NOL4: variants seen among roughly 807,000 people sequenced by gnomAD.
The protein encoded by NOL4 is cancer/testis antigen 125.
NOL4 carries 17 observed loss-of-function variants against 75.9 expected under a neutral mutation model. The observed-to-expected ratio is 0.22, with a 90% CI of 0.15 to 0.34. The LOEUF is 0.34. Among genes scored for constraint, NOL4 ranks in the 10% least tolerant of loss-of-function variants. The pLI is 1.00. For missense variants in NOL4, 614 were observed against 793.5 expected (o/e 0.77, Z 2.72); for synonymous variants, 292 against 289.9 (o/e 1.01, Z -0.07).
chr18:34,084,570 A>G (rs1203766103), intron 5 of NOL4, among the ~76,000 whole-genome samples: 1 of 152,192 alleles, frequency 6.6e-6, no homozygotes, highest in Non-Finnish European at 1.5e-5. Context: ...TGTGGCTCCA[A>G]AGAGAATATG....
At chr18:34,153,851 C>T (rs867569132) in intron 1 of NOL4, among the ~76,000 whole-genome samples, 1 of 151,922 alleles carries the variant, frequency 6.6e-6, no homozygotes, top group African/African-American at 2.4e-5. Context: ...ATGTGGTTGC[C>T]AAGGTTTCCC....
intron 10 of NOL4, among the ~76,000 whole-genome samples, chr18:33,868,201 C>T (rs917969259): frequency 6.7e-6 from 1 of 148,728 alleles, no homozygotes. Context: ...TACACCTGGG[C>T]ACCTGGGTAA....
intron 5 of NOL4, among the ~76,000 whole-genome samples, chr18:34,064,240 C>G (rs543022676): frequency 1.3e-5 from 2 of 152,038 alleles, no homozygotes; most frequent in East Asian, 3.9e-4. Flanking sequence ...TATCCTTAGC[C>G]AAGTTTTCTT....
intron 9 of NOL4, among the ~76,000 whole-genome samples, chr18:33,915,545 C>T (rs193143714): frequency 2.1e-4 from 32 of 151,896 alleles, no homozygotes; most frequent in Middle Eastern, 3.4e-3. Flanking sequence ...AGGCGAGAGG[C>T]GATGGGATGC....
intron 1 of NOL4, among the ~76,000 whole-genome samples, chr18:34,142,628 C>G (rs971385884): frequency 4.6e-5 from 7 of 151,914 alleles, no homozygotes; most frequent in Non-Finnish European, 7.4e-5. Context: ...GGGAATTGAA[C>G]AATGAGAACA....
At chr18:34,124,289 A>C (rs1246473474) in intron 2 of NOL4, among the ~76,000 whole-genome samples, 3 of 152,174 alleles carry the variant, frequency 2.0e-5, no homozygotes, top group Non-Finnish European at 2.9e-5. Context: ...GAAAGGGAAA[A>C]ATTCATAATA....
intron 5 of NOL4, among the ~76,000 whole-genome samples, chr18:34,054,524 T>C (rs1005570292): frequency 6.6e-6 from 1 of 151,984 alleles, no homozygotes; most frequent in African/African-American, 2.4e-5. Flanking sequence ...ATAGCACCTC[T>C]GCTCTTTTTT....
chr18:34,067,892 G>A (rs1157657576), intron 5 of NOL4, among the ~76,000 whole-genome samples: 1 of 152,040 alleles, frequency 6.6e-6, no homozygotes, highest in African/African-American at 2.4e-5. Flanking sequence ...CTGGTTTGGA[G>A]ATATAAACAT....
At chr18:34,176,982 C>CT (rs1009741835) in intron 1 of NOL4, among the ~76,000 whole-genome samples, 43 of 150,896 alleles carry the variant, frequency 2.8e-4, no homozygotes, top group East Asian at 9.8e-4. Flanking sequence ...GAGTTGATAT[C>CT]TTTTTTTTTA....
chr18:34,022,344 T>C (rs2075094712), intron 5 of NOL4, among the ~76,000 whole-genome samples: 1 of 151,876 alleles, frequency 6.6e-6, no homozygotes, highest in Admixed American at 6.6e-5. Context: ...AAAAAATACA[T>C]AGGAAAATTT....
At chr18:34,039,854 G>A (rs1317331510) in intron 5 of NOL4, among the ~76,000 whole-genome samples, 1 of 151,894 alleles carries the variant, frequency 6.6e-6, no homozygotes, top group Non-Finnish European at 1.5e-5. Flanking sequence ...AGCATTTTGA[G>A]CACCCATACA....
chr18:34,107,529 C>G (rs866187797), intron 2 of NOL4, among the ~76,000 whole-genome samples: 1 of 151,862 alleles, frequency 6.6e-6, no homozygotes, highest in Non-Finnish European at 1.5e-5. Context: ...CATTCCACTC[C>G]CCTTGAATCT....
chr18:34,018,010 C>A (rs144496072), intron 6 of NOL4, among the ~76,000 whole-genome samples: 231 of 152,060 alleles, frequency 1.5e-3, no homozygotes, highest in African/African-American at 5.2e-3. Context: ...TTTTAATAAG[C>A]ATCGTTCCCA....
At chr18:34,112,505 T>C (rs987330290) in intron 2 of NOL4, among the ~76,000 whole-genome samples, 1 of 152,090 alleles carries the variant, frequency 6.6e-6, no homozygotes, top group Non-Finnish European at 1.5e-5. Context: ...TACACATACA[T>C]AATGAAATAT....
At chr18:34,022,875 G>A (rs192289730) in intron 5 of NOL4, among the ~76,000 whole-genome samples, 75 of 151,878 alleles carry the variant, frequency 4.9e-4, no homozygotes, top group Middle Eastern at 3.7e-3. Flanking sequence ...CTAATAAATG[G>A]TATATCATTC....
intron 2 of NOL4, among the ~76,000 whole-genome samples, chr18:34,105,478 A>T (rs1327817352): frequency 1.3e-5 from 2 of 152,076 alleles, no homozygotes; most frequent in African/African-American, 4.8e-5. Context: ...CTTATTATTA[A>T]ACATTGCCAA....
At chr18:34,089,080 G>A (rs1170173151) in intron 5 of NOL4, among the ~76,000 whole-genome samples, 1 of 151,778 alleles carries the variant, frequency 6.6e-6, no homozygotes, top group African/African-American at 2.4e-5. Context: ...GGTTTTTAAT[G>A]AATACTTTTC....
intron 9 of NOL4, among the ~76,000 whole-genome samples, chr18:33,939,178 A>G (rs1474619354): frequency 6.6e-6 from 1 of 152,086 alleles, no homozygotes; most frequent in African/African-American, 2.4e-5. Context: ...TGGTTACTGT[A>G]GCCTTGTAGT....
chr18:33,856,881 A>T (rs2062861602), intron 10 of NOL4, among the ~76,000 whole-genome samples: 1 of 152,080 alleles, frequency 6.6e-6, no homozygotes, highest in Non-Finnish European at 1.5e-5. Context: ...TGAGGAGAGT[A>T]AAAAGCTTTT....
Sources: gnomAD v4.1 joint callset for allele counts (sites outside exome capture counted in the v4.1 genomes callset) on GRCh38, gnomAD v4.1.1 for gene constraint, MANE v1.5 for transcripts, NCBI Gene and HGNC (gene_info 2026-07-23, HGNC 2026-07-21) for gene names.